Variants in TBL1XR1 observed in about 807,000 individuals in gnomAD.
TBL1XR1 encodes F-box-like/WD repeat-containing protein TBL1XR1.
TBL1XR1 carries 5 observed loss-of-function variants against 66.9 expected under a neutral mutation model. The observed-to-expected ratio is 0.07, with a 90% CI of 0.04 to 0.16. TBL1XR1 has a LOEUF of 0.16. TBL1XR1 is among the 10% of genes least tolerant of loss of function. TBL1XR1 has a pLI of 1.00. For missense variants in TBL1XR1, 238 were observed against 623.2 expected (o/e 0.38, Z 6.58); for synonymous variants, 210 against 206.0 (o/e 1.02, Z -0.17).
chr3:177,096,331 T>TACACACACACACAC lies in TBL1XR1; in HGVS notation c.-46+2134_-46+2135insGTGTGTGTGTGTGT, dbSNP rs756833949. Among the ~76,000 whole-genome samples the TACACACACACACAC allele has an allele frequency of 3.3e-3, 337 of 100,748 alleles. 5 individuals carry two copies. The East Asian group carries it at 0.048, about 14-fold the overall frequency. 66.1% of individuals were successfully genotyped at this position (100,748 alleles called of 152,430 possible). On this transcript the variant is annotated intron_variant, in intron 2 of 15. Coordinates refer to ENST00000457928, the MANE Select transcript of TBL1XR1 (RefSeq NM_024665.7). ...CATCTCTAACACACACTAACATACATACATACACACACACACACACACTTA... is the reference window on the plus strand; with the variant it reads ...CATCTCTAACACACACTAACATACATACACACACACACACACATACACACACACACACACACTTA...
At chr3:177,027,230 C>T (rs1576960834) in intron 14 of TBL1XR1, 1 of 152,274 alleles carries the variant, frequency 6.6e-6, no homozygotes, top group Non-Finnish European at 1.5e-5. Context: ...AACTCCTGGC[C>T]TCAAGCAATC....
At chr3:177,198,763 G>A (rs1195073861), upstream of TBL1XR1, among the ~76,000 whole-genome samples, 1 of 151,988 alleles carries the variant, frequency 6.6e-6, no homozygotes, top group East Asian at 1.9e-4. Flanking sequence ...AAAGGTGAAG[G>A]GTTCTGTTTT....
intron 1 of TBL1XR1, among the ~76,000 whole-genome samples, chr3:177,100,880 C>T (rs1445522561): frequency 1.1e-4 from 16 of 142,420 alleles, no homozygotes; most frequent in South Asian, 2.3e-4. Context: ...TTCTTTGAGA[C>T]GGAGTCTCGC....
chr3:177,124,594 CCATTCTCT>C (rs1165653393), intron 1 of TBL1XR1, among the ~76,000 whole-genome samples: 3 of 152,032 alleles, frequency 2.0e-5, no homozygotes, highest in African/African-American at 7.2e-5. Flanking sequence ...GGCCTTTCTC[CCATTCTCT>C]CATTCTCATT....
chr3:177,053,054 A>G (rs1400055883), intron 4 of TBL1XR1, among the ~76,000 whole-genome samples: 4 of 152,200 alleles, frequency 2.6e-5, no homozygotes, highest in Admixed American at 2.6e-4. Context: ...GTGAGCTGAG[A>G]TTGTGCCACC....
intron 14 of TBL1XR1, among the ~76,000 whole-genome samples, chr3:177,030,049 A>G (rs1029118228): frequency 1.3e-4 from 20 of 152,138 alleles, no homozygotes; most frequent in African/African-American, 4.8e-4. Context: ...ACGTAAATAT[A>G]CCGTATGGGC....
intron 1 of TBL1XR1, among the ~76,000 whole-genome samples, chr3:177,115,094 G>T (rs1181215730): frequency 6.6e-6 from 1 of 152,116 alleles, no homozygotes; most frequent in Admixed American, 6.5e-5. Context: ...CCATGGGCAG[G>T]ATGGACTCCA....
chr3:177,148,821 A>G (rs1417841434), intron 1 of TBL1XR1, among the ~76,000 whole-genome samples: 4 of 152,142 alleles, frequency 2.6e-5, no homozygotes, highest in Non-Finnish European at 5.9e-5. Flanking sequence ...CCTGGCAAAC[A>G]TGGAGAAACC....
At chr3:177,082,362 A>T (rs1163730606) in intron 2 of TBL1XR1, among the ~76,000 whole-genome samples, 2 of 152,062 alleles carry the variant, frequency 1.3e-5, no homozygotes, top group African/African-American at 2.4e-5. Flanking sequence ...AAATTGAGGT[A>T]CTTCAAAAAA....
At chr3:177,107,218 G>C (rs1441142674) in intron 1 of TBL1XR1, among the ~76,000 whole-genome samples, 1 of 152,102 alleles carries the variant, frequency 6.6e-6, no homozygotes, top group Non-Finnish European at 1.5e-5. Context: ...TAGATATTAG[G>C]TTCAGAATTC....
chr3:177,043,207 T>TA (rs1235850077), intron 10 of TBL1XR1, among the ~76,000 whole-genome samples: 4 of 152,166 alleles, frequency 2.6e-5, no homozygotes, highest in Non-Finnish European at 5.9e-5. Flanking sequence ...TTTATAGCCT[T>TA]ACTTCCCTCT....
chr3:177,126,063 G>A (rs538434481), intron 1 of TBL1XR1: 1 of 152,258 alleles, frequency 6.6e-6, no homozygotes, highest in African/African-American at 2.4e-5. Flanking sequence ...CTTGTGCAGG[G>A]GACATGCTAA....
At chr3:177,051,122 G>C (rs1717020380) in intron 5 of TBL1XR1, among the ~76,000 whole-genome samples, 1 of 152,126 alleles carries the variant, frequency 6.6e-6, no homozygotes, top group Non-Finnish European at 1.5e-5. Flanking sequence ...GAAAATAAAA[G>C]TAAATCTAGC....
chr3:177,152,780 CCTT>C (rs1164242291), intron 1 of TBL1XR1, among the ~76,000 whole-genome samples: 1 of 152,126 alleles, frequency 6.6e-6, no homozygotes, highest in African/African-American at 2.4e-5. Flanking sequence ...TCCCTAATTA[CCTT>C]ATTATTGCTT....
chr3:177,046,062 C>A (rs1254219436), intron 10 of TBL1XR1, 67 bp downstream of exon 10: 6 of 1,167,322 alleles, frequency 5.1e-6, no homozygotes, highest in African/African-American at 1.6e-5. Context: ...AAATTATATG[C>A]TGTTAAAAGT....
chr3:177,181,662 GAC>G (rs1429052334), intron 1 of TBL1XR1, among the ~76,000 whole-genome samples: 3 of 152,024 alleles, frequency 2.0e-5, no homozygotes, highest in Non-Finnish European at 2.9e-5. Flanking sequence ...AGAGACAAAG[GAC>G]ACAGAGTATA....
intron 2 of TBL1XR1, among the ~76,000 whole-genome samples, chr3:177,085,703 T>C (rs535210439): frequency 7.2e-5 from 11 of 152,288 alleles, no homozygotes; most frequent in Middle Eastern, 3.4e-3. Context: ...AGATTACATA[T>C]AGATGACAAT....
At chr3:177,058,101 T>C (rs1434781928) in intron 3 of TBL1XR1, among the ~76,000 whole-genome samples, 1 of 152,140 alleles carries the variant, frequency 6.6e-6, no homozygotes, top group Non-Finnish European at 1.5e-5. Flanking sequence ...AACACCATGA[T>C]TATGGTACAG....
chr3:177,130,934 G>A (rs1448621100), intron 1 of TBL1XR1, among the ~76,000 whole-genome samples: 1 of 152,188 alleles, frequency 6.6e-6, no homozygotes, highest in Non-Finnish European at 1.5e-5. Flanking sequence ...CTGAGGTTAA[G>A]AGGATTGTTT....
Sources: allele counts gnomAD v4.1 joint callset (sites outside exome capture counted in the v4.1 genomes callset), GRCh38; gene constraint gnomAD v4.1.1; transcripts MANE v1.5; gene names NCBI Gene and HGNC (gene_info 2026-07-23, HGNC 2026-07-21).